OPRK1: variants seen among roughly 807,000 people sequenced by gnomAD.
The protein encoded by OPRK1 is opioid receptor kappa 1.
In OPRK1, 15 loss-of-function variants were observed where a neutral mutation model predicts 24.5. That is an observed-to-expected ratio of 0.61 (90% confidence interval 0.41 to 0.94). The LOEUF (loss-of-function observed/expected upper bound fraction) is 0.94. Among genes scored for constraint, OPRK1 ranks in the 40% least tolerant of loss-of-function variants. The probability of loss-of-function intolerance (pLI) is 0.00; values close to 1 mark genes in which losing one functional copy is unlikely to be tolerated. For synonymous variants in OPRK1, 205 were observed against 198.0 expected, an observed-to-expected ratio of 1.04 and a Z score of -0.30; for missense variants, 479 against 507.3, an observed-to-expected ratio of 0.94 and a Z score of 0.54.
At chr8:53,239,608 G>C (rs1447643851) in intron 2 of OPRK1, among the ~76,000 whole-genome samples, 1 of 152,234 alleles carries the variant, frequency 6.6e-6, no homozygotes, top group Non-Finnish European at 1.5e-5. Context: ...TTATGTGACA[G>C]ACACTGTCTG....
intron 2 of OPRK1, among the ~76,000 whole-genome samples, chr8:53,248,618 G>T (rs1807293299): frequency 6.6e-6 from 1 of 151,990 alleles, no homozygotes; most frequent in Admixed American, 6.6e-5. Flanking sequence ...CTTCTTCAAA[G>T]GTTTTATTTT....
Position 53,250,832 on chromosome 8 carries a change from A to T in OPRK1, c.206T>A (p.Val69Glu). 6.2e-7 allele frequency: 1 copy of T among 1,611,826 alleles called. No homozygotes were observed. Among genetic ancestry groups the T allele is most frequent in the Non-Finnish European group, 8.5e-7 (1 of 1,179,048 alleles). ...PVIITAVYSV[V>E]FVVGLVGNSL... ...GTTGCCCACCAAGCCCACGACGAAC[A>T]CTACGGAGTAGACCGCCGTGATGAT... Residue 69 changes from valine to glutamate, a missense_variant, in exon 2 of 4, where the codon GTG becomes GAG. Coordinates refer to ENST00000265572, the MANE Select transcript of OPRK1 (RefSeq NM_000912.5).
Position 53,229,242 on chromosome 8 carries a change from G to C in OPRK1, c.*55C>G. ...GCAGTAGTGATCTGAGTTAAACCTA[G>C]ATCATTGAACTCCTCTCTTCCCGAA... On this transcript the variant is annotated 3_prime_UTR_variant, in exon 4 of 4. Transcript: ENST00000265572. 2 of 1,550,158 alleles carry C rather than the reference G, an allele frequency of 1.3e-6. No individual in the cohort carries two copies. Among genetic ancestry groups the C allele is most frequent in the Non-Finnish European group, 1.7e-6 (2 of 1,144,544 alleles).
intron 2 of OPRK1, among the ~76,000 whole-genome samples, chr8:53,250,097 A>G (rs1807335333): frequency 6.6e-6 from 1 of 152,018 alleles, no homozygotes. Flanking sequence ...ACACACACAC[A>G]CACAAATAAA....
chr8:53,240,703 C>T (rs1272286306), intron 2 of OPRK1, among the ~76,000 whole-genome samples: 3 of 151,472 alleles, frequency 2.0e-5, no homozygotes, highest in Non-Finnish European at 4.4e-5. Context: ...ATGGAGAGGG[C>T]TGGTCAAAGG....
At chr8:53,229,893 G>A (rs1806813465) in intron 3 of OPRK1, 64 bp from the exon 4 acceptor site, 1 of 1,440,292 alleles carries the variant, frequency 6.9e-7, no homozygotes, top group Non-Finnish European at 9.3e-7. Context: ...TGGCTGCAAA[G>A]TGTTTTAAAT....
intron 2 of OPRK1, among the ~76,000 whole-genome samples, chr8:53,250,069 C>CCACACACACACA (rs369426050): frequency 1.0e-4 from 13 of 130,500 alleles, no homozygotes; most frequent in African/African-American, 3.4e-4. Flanking sequence ...GAAGAAATTT[C>CCACACACACACA]CACACACACA....
At chr8:53,245,387 G>A (rs370270177) in intron 2 of OPRK1, among the ~76,000 whole-genome samples, 5 of 152,154 alleles carry the variant, frequency 3.3e-5, no homozygotes, top group Admixed American at 6.5e-5. Flanking sequence ...GAGAGGCCTC[G>A]GGCCTCAGGG....
At chr8:53,240,484 G>T (rs1385500023) in intron 2 of OPRK1, among the ~76,000 whole-genome samples, 1 of 152,064 alleles carries the variant, frequency 6.6e-6, no homozygotes, top group Non-Finnish European at 1.5e-5. Context: ...GTCCAAAGAG[G>T]CCCAAGACAC....
At chr8:53,232,853 A>C (rs1806889055) in intron 3 of OPRK1, among the ~76,000 whole-genome samples, 1 of 152,226 alleles carries the variant, frequency 6.6e-6, no homozygotes, top group African/African-American at 2.4e-5. Flanking sequence ...AGCTACTATA[A>C]AAAAGTAAGA....
chr8:53,235,699 A>G (rs770158659), intron 2 of OPRK1, among the ~76,000 whole-genome samples: 9 of 152,234 alleles, frequency 5.9e-5, no homozygotes, highest in Non-Finnish European at 1.2e-4. Context: ...AATAAAGCAG[A>G]TTGAATTCTG....
At chr8:53,244,640 T>A (rs1807188767) in intron 2 of OPRK1, among the ~76,000 whole-genome samples, 2 of 152,236 alleles carry the variant, frequency 1.3e-5, no homozygotes, top group Admixed American at 1.3e-4. Context: ...ATTTTCTGAT[T>A]CCTCCTATTT....
rs1807363524 is a variant in OPRK1, at chr8:53,250,811, C to A, written c.227G>T (p.Gly76Val). The A allele has an allele frequency of 6.2e-7, 1 of 1,610,358 alleles. No individual in the cohort carries two copies. Among genetic ancestry groups the A allele is most frequent in the African/African-American group, 1.3e-5 (1 of 74,456 alleles). The change falls in exon 2 of 4, where the codon GGC becomes GTC. Residue 76 changes from glycine to valine, a missense_variant. Coordinates refer to ENST00000265572, the MANE Select transcript of OPRK1 (RefSeq NM_000912.5). ...GATCACGAACATGACCAGCGAGTTG[C>A]CCACCAAGCCCACGACGAACACTAC... ...YSVVFVVGLV[G>V]NSLVMFVIIR... is the part of the protein sequence containing the mutation.
intron 2 of OPRK1, among the ~76,000 whole-genome samples, chr8:53,247,219 C>T (rs748978915): frequency 6.6e-6 from 1 of 152,100 alleles, no homozygotes; most frequent in Non-Finnish European, 1.5e-5. Context: ...TGTAGAACCT[C>T]CTGGAAAGAA....
At chr8:53,248,798 T>C (rs6986052) in intron 2 of OPRK1, among the ~76,000 whole-genome samples, 15,140 of 152,222 alleles carry the variant, frequency 0.099, 816 homozygotes, top group South Asian at 0.18. Context: ...AGTAGGTTGG[T>C]ACTCCAGGAT....
chr8:53,245,091 G>C (rs1807199680), intron 2 of OPRK1, among the ~76,000 whole-genome samples: 1 of 152,172 alleles, frequency 6.6e-6, no homozygotes, highest in Admixed American at 6.5e-5. Context: ...ATAATGACAA[G>C]AAAGAAAGTC....
intron 3 of OPRK1, among the ~76,000 whole-genome samples, chr8:53,230,964 T>C (rs887330739): frequency 1.3e-5 from 2 of 152,234 alleles, no homozygotes; most frequent in African/African-American, 4.8e-5. Context: ...AACATTTTAA[T>C]GCAATCTTAA....
At chr8:53,248,615 A>T (rs1452249194) in intron 2 of OPRK1, among the ~76,000 whole-genome samples, 1 of 152,182 alleles carries the variant, frequency 6.6e-6, no homozygotes, top group Non-Finnish European at 1.5e-5. Flanking sequence ...ATTCTTCTTC[A>T]AAGGTTTTAT....
chr8:53,238,992 G>C (rs1370162307), intron 2 of OPRK1, among the ~76,000 whole-genome samples: 1 of 152,084 alleles, frequency 6.6e-6, no homozygotes, highest in African/African-American at 2.4e-5. Flanking sequence ...TCTTTAATCA[G>C]GAACTCCTTT....
Sources: gnomAD v4.1 joint callset for allele counts (sites outside exome capture counted in the v4.1 genomes callset) on GRCh38, gnomAD v4.1.1 for gene constraint, MANE v1.5 for transcripts, NCBI Gene and HGNC (gene_info 2026-07-23, HGNC 2026-07-21) for gene names.